Variants in REDIC1 observed in about 807,000 individuals in gnomAD.
The protein encoded by REDIC1 is regulator of DNA class I crossover intermediates 1.
the REDIC1 span, among the ~76,000 whole-genome samples, chr12:39,667,372 C>G: frequency 6.6e-6 from 1 of 152,100 alleles, no homozygotes; most frequent in Admixed American, 6.6e-5. Context: ...TGTAGTTTAG[C>G]GGTTTTGAGT....
the REDIC1 span, chr12:39,684,220 G>C: frequency 5.9e-6 from 6 of 1,011,722 alleles, no homozygotes; most frequent in African/African-American, 3.5e-5. Flanking sequence ...CTGCCTTCCA[G>C]GCTTTTCTGA....
the REDIC1 span, chr12:39,788,570 G>A: frequency 6.6e-6 from 1 of 152,088 alleles, no homozygotes; most frequent in Non-Finnish European, 1.5e-5. Context: ...AATATTTTTG[G>A]ACTATGTTTG....
At chr12:39,835,949 T>G in the REDIC1 span, among the ~76,000 whole-genome samples, 1 of 152,126 alleles carries the variant, frequency 6.6e-6, no homozygotes, top group Non-Finnish European at 1.5e-5. Context: ...AATTGCCACG[T>G]GGTGAAAGCC....
the REDIC1 span, among the ~76,000 whole-genome samples, chr12:39,873,512 A>C: frequency 1.3e-5 from 2 of 152,248 alleles, no homozygotes; most frequent in Non-Finnish European, 2.9e-5. Flanking sequence ...GAAATATTGA[A>C]AGAAAATTCA....
At chr12:39,899,531 T>A in the REDIC1 span, among the ~76,000 whole-genome samples, 1 of 152,176 alleles carries the variant, frequency 6.6e-6, no homozygotes, top group Non-Finnish European at 1.5e-5. Context: ...AGCTTTTGAA[T>A]GTGTTTGCTC....
chr12:39,850,894 C>A, the REDIC1 span, among the ~76,000 whole-genome samples: 4 of 151,642 alleles, frequency 2.6e-5, no homozygotes, highest in African/African-American at 9.7e-5. Flanking sequence ...TTAGGCCCCA[C>A]AAAGTTAATT....
the REDIC1 span, among the ~76,000 whole-genome samples, chr12:39,783,743 TC>T: frequency 6.6e-6 from 1 of 152,196 alleles, no homozygotes; most frequent in South Asian, 2.1e-4. Flanking sequence ...TTGTTTGAGT[TC>T]TTTGTAGATT....
chr12:39,872,416 A>T, the REDIC1 span, among the ~76,000 whole-genome samples: 1 of 152,236 alleles, frequency 6.6e-6, no homozygotes, highest in African/African-American at 2.4e-5. Context: ...AATCTGGGAC[A>T]AGTGAAGGAA....
chr12:39,747,667 C>G, the REDIC1 span, among the ~76,000 whole-genome samples: 2 of 152,160 alleles, frequency 1.3e-5, no homozygotes, highest in African/African-American at 4.8e-5. Flanking sequence ...ATGTTAAGGG[C>G]AGCCAGAGAG....
At chr12:39,906,635 C>T in the REDIC1 span, among the ~76,000 whole-genome samples, 1 of 152,078 alleles carries the variant, frequency 6.6e-6, no homozygotes, top group Non-Finnish European at 1.5e-5. Flanking sequence ...TTGTATGTTT[C>T]CAGGCAACCA....
the REDIC1 span, among the ~76,000 whole-genome samples, chr12:39,734,832 T>C: frequency 6.6e-6 from 1 of 152,234 alleles, no homozygotes; most frequent in Non-Finnish European, 1.5e-5. Context: ...TGCATTTCCA[T>C]AGGGATTTTG....
At chr12:39,859,343 A>G in the REDIC1 span, among the ~76,000 whole-genome samples, 1 of 149,660 alleles carries the variant, frequency 6.7e-6, no homozygotes. Context: ...GAAAAAAAAA[A>G]AAAAAAAAGT....
chr12:39,752,083 C>T, the REDIC1 span, among the ~76,000 whole-genome samples: 1 of 152,064 alleles, frequency 6.6e-6, no homozygotes, highest in African/African-American at 2.4e-5. Flanking sequence ...ATACTATATG[C>T]CAGGCACTGT....
the REDIC1 span, among the ~76,000 whole-genome samples, chr12:39,708,812 C>T: frequency 6.6e-6 from 1 of 151,746 alleles, no homozygotes; most frequent in Non-Finnish European, 1.5e-5. Flanking sequence ...TTATATGCCT[C>T]TTTGCACTTT....
At chr12:39,873,614 C>T in the REDIC1 span, among the ~76,000 whole-genome samples, 1 of 152,038 alleles carries the variant, frequency 6.6e-6, no homozygotes, top group African/African-American at 2.4e-5. Context: ...TTATATTGTG[C>T]AAAATAATTC....
chr12:39,874,485 G>A, the REDIC1 span, among the ~76,000 whole-genome samples: 11 of 151,872 alleles, frequency 7.2e-5, no homozygotes, highest in Non-Finnish European at 1.6e-4. Flanking sequence ...CATGGTAGCG[G>A]GCACCTGTAA....
At chr12:39,902,923 C>T in the REDIC1 span, among the ~76,000 whole-genome samples, 2 of 152,060 alleles carry the variant, frequency 1.3e-5, no homozygotes, top group Non-Finnish European at 2.9e-5. Flanking sequence ...ATCTTATTCC[C>T]TGTTGAGTTG....
the REDIC1 span, chr12:39,641,139 C>T: frequency 1.6e-6 from 1 of 606,442 alleles, no homozygotes; most frequent in African/African-American, 1.9e-5. Flanking sequence ...CTTGATTAGC[C>T]ACGTATTTTG....
chr12:39,744,002 AAAC>A, the REDIC1 span, among the ~76,000 whole-genome samples: 30 of 152,160 alleles, frequency 2.0e-4, 1 homozygote, highest in African/African-American at 4.8e-4. Context: ...ATAAATGCCA[AAAC>A]AACAACAACA....
Sources: gnomAD v4.1 joint callset for allele counts (sites outside exome capture counted in the v4.1 genomes callset) on GRCh38, gnomAD v4.1.1 for gene constraint, MANE v1.5 for transcripts, NCBI Gene and HGNC (gene_info 2026-07-23, HGNC 2026-07-21) for gene names.